Variants in PCDH15 observed in about 807,000 individuals in gnomAD.
The protein encoded by PCDH15 is protocadherin related 15, also known as protocadherin-15.
A neutral mutation model predicts 178.5 loss-of-function variants in PCDH15; 129 were observed. That is an observed-to-expected ratio of 0.72 (90% CI 0.63 to 0.84). The LOEUF (loss-of-function observed/expected upper bound fraction) is 0.84. Ranked by LOEUF, PCDH15 falls within the 40% of genes least tolerant of loss-of-function variation. The pLI is 0.00. For synonymous variants in PCDH15, 800 were observed against 732.0 expected, an observed-to-expected ratio of 1.09 and a Z score of -1.50; for missense variants, 2,230 against 2,099.9, an observed-to-expected ratio of 1.06 and a Z score of -1.21.
chr10:54,711,157 A>C (rs2132357770), intron 1 of PCDH15, among the ~76,000 whole-genome samples: 1 of 152,140 alleles, frequency 6.6e-6, no homozygotes, highest in Non-Finnish European at 1.5e-5. Context: ...TCACATACTT[A>C]ATAGACCTGA....
intron 3 of PCDH15, among the ~76,000 whole-genome samples, chr10:54,397,546 T>C (rs1473506626): frequency 2.0e-5 from 3 of 152,068 alleles, no homozygotes; most frequent in African/African-American, 7.2e-5. Flanking sequence ...AGAACCTTAA[T>C]TAGTCAAGTT....
intron 3 of PCDH15, among the ~76,000 whole-genome samples, chr10:54,521,632 T>C (rs984159840): frequency 6.6e-6 from 1 of 152,190 alleles, no homozygotes; most frequent in Non-Finnish European, 1.5e-5. Context: ...TGAAATTTTC[T>C]GACACTAAGT....
intron 3 of PCDH15, among the ~76,000 whole-genome samples, chr10:54,811,091 C>G (rs1216905047): frequency 6.6e-6 from 1 of 151,658 alleles, no homozygotes; most frequent in African/African-American, 2.4e-5. Context: ...ATATTTTTAA[C>G]AAGTAGAGTT....
intron 21 of PCDH15, among the ~76,000 whole-genome samples, chr10:53,962,258 G>A (rs1279682498): frequency 6.6e-6 from 1 of 152,038 alleles, no homozygotes; most frequent in East Asian, 1.9e-4. Context: ...TGCCCAGGCT[G>A]GAGTGCAGTG....
At chr10:55,111,363 T>C (rs1484818932) in intron 2 of PCDH15, among the ~76,000 whole-genome samples, 2 of 152,128 alleles carry the variant, frequency 1.3e-5, no homozygotes, top group African/African-American at 2.4e-5. Flanking sequence ...TTAGCACAAA[T>C]GAACAAAATA....
At chr10:54,467,952 T>G (rs1224408832) in intron 3 of PCDH15, among the ~76,000 whole-genome samples, 1 of 151,940 alleles carries the variant, frequency 6.6e-6, no homozygotes, top group Non-Finnish European at 1.5e-5. Context: ...AATTAGTTAG[T>G]GTAGGGTTAT....
chr10:54,622,359 C>T (rs1425689321), intron 2 of PCDH15, among the ~76,000 whole-genome samples: 1 of 150,572 alleles, frequency 6.6e-6, no homozygotes, highest in African/African-American at 2.4e-5. Flanking sequence ...GGAAGCTGAG[C>T]GCTGGAAAGG....
intron 1 of PCDH15, among the ~76,000 whole-genome samples, chr10:54,717,846 G>C (rs1267661162): frequency 7.0e-6 from 1 of 143,722 alleles, no homozygotes; most frequent in African/African-American, 2.7e-5. Context: ...TAATAGCGAA[G>C]ACTTGGAACC....
chr10:54,138,628 A>G (rs1040414170), intron 14 of PCDH15, among the ~76,000 whole-genome samples: 9 of 152,174 alleles, frequency 5.9e-5, no homozygotes, highest in Admixed American at 5.9e-4. Context: ...AGGCCTGGTC[A>G]GTATGTGATG....
At position 54,354,147 on chromosome 10, in the gene PCDH15, G is replaced by C. The variant is rs560282208; in HGVS notation, c.475-7663C>G. Reference sequence around the variant, plus strand: ...ATTACAGGCATGCGCCACCACGCCTGGCTAATTTTGTGTTTTTAGTAGAGA... The same window carrying C: ...ATTACAGGCATGCGCCACCACGCCTCGCTAATTTTGTGTTTTTAGTAGAGA... On this transcript the variant is annotated intron_variant, in intron 5 of 37. Coordinates refer to ENST00000644397, the MANE Select transcript of PCDH15 (RefSeq NM_001384140.1). 9.2e-5 allele frequency among the ~76,000 whole-genome samples: 14 copies of C among 152,182 alleles called. No individual in the cohort carries two copies. The East Asian group carries it at 2.7e-3, about 30-fold the overall frequency.
chr10:54,893,460 A>T (rs1954498208), intron 3 of PCDH15, among the ~76,000 whole-genome samples: 1 of 152,088 alleles, frequency 6.6e-6, no homozygotes, highest in African/African-American at 2.4e-5. Context: ...CCTCACCCCA[A>T]CTATTATCTC....
intron 3 of PCDH15, among the ~76,000 whole-genome samples, chr10:54,487,736 T>C (rs2079216439): frequency 6.6e-6 from 1 of 152,014 alleles, no homozygotes; most frequent in Non-Finnish European, 1.5e-5. Context: ...TCAAGTCCCC[T>C]TCTCCTCTTA....
At chr10:55,578,241 G>A (rs1016747470) in intron 2 of PCDH15, among the ~76,000 whole-genome samples, 3 of 150,286 alleles carry the variant, frequency 2.0e-5, no homozygotes, top group Non-Finnish European at 4.4e-5. Flanking sequence ...TTTTTGAGAC[G>A]GAGTCTCACT....
chr10:55,236,120 T>G (rs183574915), intron 1 of PCDH15, among the ~76,000 whole-genome samples: 9 of 152,126 alleles, frequency 5.9e-5, no homozygotes, highest in African/African-American at 1.9e-4. Context: ...GAAAGGTAGT[T>G]ATAATATTCA....
At chr10:54,055,059 G>A (rs1475283048) in intron 18 of PCDH15, among the ~76,000 whole-genome samples, 1 of 152,084 alleles carries the variant, frequency 6.6e-6, no homozygotes, top group Non-Finnish European at 1.5e-5. Flanking sequence ...AGGCCACTGA[G>A]GTTCAGATTT....
At chr10:55,467,953 C>T in intron 2 of PCDH15, among the ~76,000 whole-genome samples, 1 of 75,584 alleles carries the variant, frequency 1.3e-5, no homozygotes, top group African/African-American at 8.0e-5. Context: ...GGCGATAGAG[C>T]CAGACTCCGT....
At chr10:54,573,424 A>G (rs1050074802) in intron 2 of PCDH15, among the ~76,000 whole-genome samples, 7 of 152,204 alleles carry the variant, frequency 4.6e-5, no homozygotes, top group African/African-American at 7.2e-5. Context: ...AAGATTAGGT[A>G]GCATCAATTT....
intron 23 of PCDH15, among the ~76,000 whole-genome samples, chr10:53,955,943 G>T (rs2087568265): frequency 1.3e-5 from 2 of 152,100 alleles, no homozygotes; most frequent in Non-Finnish European, 2.9e-5. Flanking sequence ...AAAGCAGCCT[G>T]AAATGGCATA....
At chr10:55,434,213 G>T (rs1838973200) in intron 2 of PCDH15, among the ~76,000 whole-genome samples, 1 of 149,170 alleles carries the variant, frequency 6.7e-6, no homozygotes, top group Non-Finnish European at 1.5e-5. Flanking sequence ...CCCTACAGGC[G>T]CCTGCCGCCA....
Sources: allele counts gnomAD v4.1 joint callset (sites outside exome capture counted in the v4.1 genomes callset), GRCh38; gene constraint gnomAD v4.1.1; transcripts MANE v1.5; gene names NCBI Gene and HGNC (gene_info 2026-07-23, HGNC 2026-07-21).